PTCD1: variants seen among roughly 807,000 people sequenced by gnomAD.
PTCD1 encodes pentatricopeptide repeat domain 1, also known as pentatricopeptide repeat-containing protein 1, mitochondrial.
Under a neutral mutation model 53.4 loss-of-function variants are expected in PTCD1, and 50 were observed. The ratio of observed to expected loss-of-function variants is 0.94; its 90% CI spans 0.75 to 1.19. The LOEUF (loss-of-function observed/expected upper bound fraction) is 1.19, where lower values mean the gene tolerates loss of function less well. Ranked by LOEUF, PTCD1 falls within the 50% of genes most tolerant of loss-of-function variation. The pLI, the probability that PTCD1 is intolerant of heterozygous loss-of-function variation, is 0.00. For missense variants in PTCD1, 918 were observed against 904.8 expected, an observed-to-expected ratio of 1.01 and a Z score of -0.19; for synonymous variants, 413 against 394.8, an observed-to-expected ratio of 1.05 and a Z score of -0.55.
chr7:99,423,728 T>C (rs1395758152), intron 7 of PTCD1, 47 bp downstream of exon 7: 2 of 1,610,844 alleles, frequency 1.2e-6, no homozygotes, highest in East Asian at 2.2e-5. Context: ...GGGGAGGGGG[T>C]AGCAATGGTG....
chr7:99,432,999 T>C, intron 3 of PTCD1: 1 of 517,644 alleles, frequency 1.9e-6, no homozygotes, highest in Non-Finnish European at 3.5e-6. Context: ...CAGTGAGCTA[T>C]GACTGCACTC....
chr7:99,423,089 T>G (rs1291379764), intron 7 of PTCD1, among the ~76,000 whole-genome samples: 1 of 152,044 alleles, frequency 6.6e-6, no homozygotes, highest in African/African-American at 2.4e-5. Context: ...TTTTTTTTTT[T>G]TTGAGACCAA....
At chr7:99,426,716 C>G (rs1165379609) in intron 5 of PTCD1, among the ~76,000 whole-genome samples, 1 of 151,650 alleles carries the variant, frequency 6.6e-6, no homozygotes, top group Non-Finnish European at 1.5e-5. Context: ...GCCGCCATCC[C>G]ATCTAGGAAG....
At chr7:99,428,789 C>T (rs1001768702) in intron 5 of PTCD1, among the ~76,000 whole-genome samples, 2 of 151,132 alleles carry the variant, frequency 1.3e-5, no homozygotes, top group African/African-American at 2.4e-5. Context: ...TGCAGAAGTG[C>T]TAATGGGGGT....
rs772760455 is a variant in PTCD1 at position 99,417,693 on chromosome 7, C to T, written c.*2274G>A. The T allele has an allele frequency of 5.9e-5, 91 of 1,555,262 alleles. No individual in the cohort carries two copies. Among genetic ancestry groups the T allele is most frequent in the Non-Finnish European group, 7.6e-5 (88 of 1,156,298 alleles). On this transcript the variant is annotated 3_prime_UTR_variant, in exon 8 of 8. Transcript: ENST00000292478. ...ATGTTATTTGGTTGGGCTGGAATGT[C>T]GTTTTGTCCCTGGATGTCCTGCTGG...
At chr7:99,424,008 C>T in intron 6 of PTCD1, 51 bp from the exon 7 acceptor site, 1 of 1,592,740 alleles carries the variant, frequency 6.3e-7, no homozygotes, top group Non-Finnish European at 8.6e-7. Flanking sequence ...CATTGGGACC[C>T]AGCAGCTCCC....
rs775948620 is a variant in PTCD1, at chr7:99,420,143, C to G, written c.1927G>C (p.Gly643Arg). 2.1e-5 allele frequency: 34 copies of G among 1,614,070 alleles called. No homozygotes were observed. The South Asian group carries it at 3.0e-4, about 14-fold the overall frequency. ...ATCTTCTCCAGGTAGGTGTTCTTCC[C>G]TTGGTACTAGAATTAGAAAAGTGAG... Reference protein sequence around the residue: ...QYPPTFDRYQGKNTYLEKIDG... With the variant: ...QYPPTFDRYQRKNTYLEKIDG... The change falls in exon 8 of 8, where the codon GGG becomes CGG. Residue 643 changes from glycine (G) to arginine (R), a missense_variant. Coordinates refer to ENST00000292478, the MANE Select transcript of PTCD1 (RefSeq NM_015545.4).
At position 99,434,807 on chromosome 7, in the gene PTCD1, G is replaced by A; in HGVS notation, c.436C>T (p.Leu146=). Residue 146 remains leucine, a synonymous_variant, in exon 2 of 8, where the codon CTG becomes TTG. Coordinates refer to ENST00000292478, the MANE Select transcript of PTCD1 (RefSeq NM_015545.4). The part of the protein sequence containing the change: ...PYWYFLQCKH[L]IKEGKLVEAL... ...CCCCTTACCTTCCCTTCCTTGATCA[G>A]GTGTTTGCACTGCAAGAAGTACCAG... 1.2e-6 allele frequency: 2 copies of A among 1,614,134 alleles called. No homozygotes were observed. Among genetic ancestry groups the A allele is most frequent in the Non-Finnish European group, 1.7e-6 (2 of 1,180,034 alleles).
chr7:99,435,072 CT>C lies in PTCD1; in HGVS notation c.170del (p.Gln57ArgfsTer90). ...GGCTGCCCGTGTTTTCCTGACGCTC[CT>C]GGCCGAGGGGCAGCTGAGAGGAGGA... is the stretch of plus-strand genomic sequence containing the variant. ...SSSSSQLPLG[Q>X]ERQENTGSLG... On this transcript the variant is annotated frameshift_variant, in exon 2 of 8. Coordinates refer to ENST00000292478, the MANE Select transcript of PTCD1 (RefSeq NM_015545.4). LOFTEE classifies it high-confidence loss of function. The C allele has an allele frequency of 4.3e-6, 7 of 1,611,492 alleles. No homozygotes were observed. Among genetic ancestry groups the C allele is most frequent in the Non-Finnish European group, 5.9e-6 (7 of 1,178,998 alleles).
chr7:99,429,020 C>T lies in PTCD1; in HGVS notation c.915+83G>A, dbSNP rs988810107. The T allele has an allele frequency of 1.3e-4, 189 of 1,477,414 alleles. 1 individual carries two copies. Among genetic ancestry groups the T allele is most frequent in the Non-Finnish European group, 1.9e-5 (20 of 1,056,828 alleles). 91.5% of individuals were successfully genotyped at this position (1,477,414 alleles called of 1,614,324 possible). On this transcript the variant is annotated intron_variant, in intron 5 of 7. Transcript: ENST00000292478. ...GATATAAAAATACTCAGCACAGGGC[C>T]ATCGTGGGTGCTCACAGGATCACCA...
At chr7:99,427,519 G>A (rs1204313241) in intron 5 of PTCD1, among the ~76,000 whole-genome samples, 1 of 151,660 alleles carries the variant, frequency 6.6e-6, no homozygotes, top group South Asian at 2.1e-4. Flanking sequence ...CGCCCCGTCC[G>A]GGAGGTGAGC....
intron 3 of PTCD1, among the ~76,000 whole-genome samples, chr7:99,431,690 G>A (rs1343780658): frequency 2.0e-5 from 3 of 152,086 alleles, no homozygotes; most frequent in Non-Finnish European, 2.9e-5. Flanking sequence ...CCAGTGAGCC[G>A]AGGTCGCACC....
chr7:99,432,055 G>T (rs568136262), intron 3 of PTCD1, among the ~76,000 whole-genome samples: 2 of 152,198 alleles, frequency 1.3e-5, no homozygotes, highest in Non-Finnish European at 1.5e-5. Flanking sequence ...ACTGCGGAAG[G>T]CCGCAGGGAC....
intron 5 of PTCD1, among the ~76,000 whole-genome samples, chr7:99,426,984 C>T (rs1280328368): frequency 2.0e-5 from 3 of 151,880 alleles, no homozygotes; most frequent in African/African-American, 4.8e-5. Flanking sequence ...GCCTGGCAGC[C>T]GCCCCGTCTG....
rs866315347 is a variant in PTCD1, at chr7:99,419,258, C to G, written c.*709G>C. On this transcript the variant is annotated 3_prime_UTR_variant, in exon 8 of 8. Coordinates refer to ENST00000292478, the MANE Select transcript of PTCD1 (RefSeq NM_015545.4). ...CCAAATTTTCCCTGTCCAGAGCTGT[C>G]AAGGAAGGGTTTCTGAGGTGTGTCC... 10 of 1,126,450 alleles carry G rather than the reference C, an allele frequency of 8.9e-6. No homozygotes were observed. The Middle Eastern group carries it at 2.2e-3, about 242-fold the overall frequency. 69.8% of individuals were successfully genotyped at this position (1,126,450 alleles called of 1,614,324 possible). A position where few individuals can be genotyped will look rare whatever the true frequency, so the allele number is the denominator to read the frequency against.
intron 7 of PTCD1, among the ~76,000 whole-genome samples, chr7:99,423,002 CTTT>C (rs76812753): frequency 6.9e-6 from 1 of 144,588 alleles, no homozygotes. Flanking sequence ...GAGCTCTTCT[CTTT>C]TTTTTTTTTT....
intron 3 of PTCD1, among the ~76,000 whole-genome samples, chr7:99,430,904 T>C (rs1796226283): frequency 6.6e-6 from 1 of 151,978 alleles, no homozygotes; most frequent in Admixed American, 6.6e-5. Context: ...AAACCCCGTC[T>C]TCTACAAAAA....
At chr7:99,422,222 T>C (rs898126271) in intron 7 of PTCD1, among the ~76,000 whole-genome samples, 1 of 152,190 alleles carries the variant, frequency 6.6e-6, no homozygotes, top group Non-Finnish European at 1.5e-5. Context: ...GTCCCACCTA[T>C]TTGTAGGAAG....
rs1303789668 is a variant in PTCD1 at position 99,424,856 on chromosome 7, C to A, written c.1676G>T (p.Cys559Phe). Reference protein sequence around the residue: ...RGLVPNLQTFCNLAIGCHRPK... With the variant: ...RGLVPNLQTFFNLAIGCHRPK... ...CCTGTGGCACCCGATGGCCAGGTTG[C>A]AGAATGTCTGCAGGTTGGGGACGAG... The change falls in exon 6 of 8, where the codon TGC becomes TTC. Residue 559 changes from cysteine to phenylalanine, a missense_variant. Transcript: ENST00000292478. 1.9e-6 allele frequency: 3 copies of A among 1,614,150 alleles called. No homozygotes were observed. The highest frequency in any genetic ancestry group is 2.2e-5 in the East Asian group (1 of 44,898).
Sources: allele counts gnomAD v4.1 joint callset (sites outside exome capture counted in the v4.1 genomes callset), GRCh38; gene constraint gnomAD v4.1.1; transcripts MANE v1.5; gene names NCBI Gene and HGNC (gene_info 2026-07-23, HGNC 2026-07-21).